WWP2: variants seen among roughly 807,000 people sequenced by gnomAD.
The protein encoded by WWP2 is NEDD4-like E3 ubiquitin-protein ligase WWP2.
A neutral mutation model predicts 121.0 loss-of-function variants in WWP2; 57 were observed. The ratio of observed to expected loss-of-function variants is 0.47; its 90% CI spans 0.38 to 0.59. The LOEUF is 0.59. Ranked by LOEUF, WWP2 falls within the 20% of genes least tolerant of loss-of-function variation. The pLI, the probability that WWP2 is intolerant of heterozygous loss-of-function variation, is 0.00. For synonymous variants in WWP2, 449 were observed against 441.3 expected (o/e 1.02, Z -0.22); for missense variants, 962 against 1,158.9 (o/e 0.83, Z 2.47).
intron 2 of WWP2, among the ~76,000 whole-genome samples, chr16:69,790,065 A>G (rs1449181701): frequency 1.3e-5 from 2 of 152,200 alleles, no homozygotes; most frequent in African/African-American, 4.8e-5. Flanking sequence ...CAATGTGGTA[A>G]AACCCTGCCT....
rs757843422 is a variant in WWP2 at position 69,939,113 on chromosome 16, C to T, written c.2430C>T (p.Ala810=). ...GTCRLPVGGF[A]ELIGSNGPQK... Reference sequence around the variant, plus strand: ...GCCGCCTGCCCGTCGGGGGATTTGCCGAACTCATCGGTATGTTTTCTCTCG... The same window carrying T: ...GCCGCCTGCCCGTCGGGGGATTTGCTGAACTCATCGGTATGTTTTCTCTCG... Residue 810 remains alanine, a synonymous_variant, in exon 22 of 24, where the codon GCC becomes GCT. Transcript: ENST00000359154. The T allele has an allele frequency of 3.6e-5, 58 of 1,599,638 alleles. No homozygotes were observed. The highest frequency in any genetic ancestry group is 4.6e-5 in the Non-Finnish European group (54 of 1,172,416).
intron 17 of WWP2, among the ~76,000 whole-genome samples, chr16:69,934,461 G>T (rs1455855400): frequency 1.3e-5 from 2 of 151,724 alleles, no homozygotes; most frequent in African/African-American, 4.8e-5. Context: ...ATGTTGCTTT[G>T]TACAGGACTT....
chr16:69,849,075 G>A (rs564749497), intron 6 of WWP2, among the ~76,000 whole-genome samples: 7 of 152,250 alleles, frequency 4.6e-5, no homozygotes, highest in East Asian at 1.9e-4. Flanking sequence ...AACCGTCTCC[G>A]GTGAGCTCTA....
rs530344763 is a variant in WWP2, at chr16:69,937,346, C to T, written c.2238+108C>T. On this transcript the variant is annotated intron_variant, in intron 20 of 23. Transcript: ENST00000359154. The surrounding 1 kb of genome is among the most constrained non-coding windows in gnomAD (Gnocchi z 6.6). ...GACACTCAGCGTAAAACTCCCACTT[C>T]GGCAGGGCAGATGGGTTTGATTTGG... is the stretch of plus-strand genomic sequence containing the variant. 1,272 of 1,530,654 alleles carry T rather than the reference C, an allele frequency of 8.3e-4. 2 individuals are homozygous for T. Among genetic ancestry groups the T allele is most frequent in the Non-Finnish European group, 1.1e-3 (1,222 of 1,136,792 alleles). The allele number at this position is 1,530,654 out of a possible 1,614,324, so 94.8% of individuals were successfully genotyped here.
intron 2 of WWP2, among the ~76,000 whole-genome samples, chr16:69,796,905 A>G (rs534675845): frequency 3.0e-4 from 46 of 152,318 alleles, no homozygotes; most frequent in South Asian, 6.2e-4. Flanking sequence ...CTGAAGGTGA[A>G]TTTGGCCTTT....
chr16:69,771,850 C>T (rs1019638151), intron 1 of WWP2, among the ~76,000 whole-genome samples: 3 of 151,326 alleles, frequency 2.0e-5, no homozygotes, highest in African/African-American at 7.3e-5. Flanking sequence ...TGTAGACTTT[C>T]ACTGTCTCGC....
At chr16:69,820,051 A>G (rs1567683973) in intron 4 of WWP2, among the ~76,000 whole-genome samples, 1 of 152,118 alleles carries the variant, frequency 6.6e-6, no homozygotes, top group East Asian at 1.9e-4. Flanking sequence ...AGCCTGGGCA[A>G]CATAGTGAGA....
intron 6 of WWP2, among the ~76,000 whole-genome samples, chr16:69,850,210 C>T (rs966167583): frequency 6.6e-6 from 1 of 152,026 alleles, no homozygotes. Flanking sequence ...CACGGTGAAA[C>T]CCCGTCCCTA....
chr16:69,840,836 C>T (rs1189131391), intron 5 of WWP2, among the ~76,000 whole-genome samples: 1 of 152,162 alleles, frequency 6.6e-6, no homozygotes, highest in Non-Finnish European at 1.5e-5. Context: ...TGGGTTTCTC[C>T]ATAATTTTTC....
intron 8 of WWP2, among the ~76,000 whole-genome samples, chr16:69,891,610 A>T (rs2058029222): frequency 6.6e-6 from 1 of 152,090 alleles, no homozygotes; most frequent in South Asian, 2.1e-4. Flanking sequence ...GGTTCTTGCT[A>T]CCAGACTGTT....
At chr16:69,785,477 C>G (rs1265917375) in intron 1 of WWP2, among the ~76,000 whole-genome samples, 1 of 152,026 alleles carries the variant, frequency 6.6e-6, no homozygotes, top group African/African-American at 2.4e-5. Flanking sequence ...GGAAAATCTG[C>G]AGAACTCAAT....
In WWP2 at chr16:69,846,049, CAA is replaced by C. The variant is rs57201672; in HGVS notation, c.575+3949_575+3950del. On this transcript the variant is annotated intron_variant, in intron 6 of 23. Transcript: ENST00000359154. ...TGGGTGACAGAGCCAGACTCCATCT[CAA>C]AAAAAAAAAAAAAAAAAAAGAATAC... Among the ~76,000 whole-genome samples, 185 of 45,590 alleles carry C rather than the reference CAA, an allele frequency of 4.1e-3. 1 individual carries two copies. Among genetic ancestry groups the C allele is most frequent in the Non-Finnish European group, 5.8e-3 (161 of 27,722 alleles). The allele number at this position is 45,590 out of a possible 152,430, so 29.9% of individuals were successfully genotyped here. A position where few individuals can be genotyped will look rare whatever the true frequency, so the allele number is the denominator to read the frequency against.
intron 4 of WWP2, among the ~76,000 whole-genome samples, chr16:69,808,622 G>A (rs1451700080): frequency 6.6e-6 from 1 of 152,204 alleles, no homozygotes; most frequent in Non-Finnish European, 1.5e-5. Context: ...GGCTGGTCTT[G>A]AACTCCTGAC....
intron 6 of WWP2, among the ~76,000 whole-genome samples, chr16:69,867,289 C>G (rs148720576): frequency 3.3e-4 from 51 of 152,282 alleles, no homozygotes; most frequent in African/African-American, 1.2e-3. Context: ...CAGCAGGTGG[C>G]TTCCCCAAAG....
intron 1 of WWP2, among the ~76,000 whole-genome samples, chr16:69,771,335 C>T (rs903912199): frequency 3.3e-5 from 5 of 152,180 alleles, no homozygotes; most frequent in Non-Finnish European, 7.3e-5. Flanking sequence ...GCAACCTCCG[C>T]CTCCCGGGTT....
At chr16:69,840,810 G>A (rs2056964091) in intron 5 of WWP2, among the ~76,000 whole-genome samples, 1 of 152,194 alleles carries the variant, frequency 6.6e-6, no homozygotes. Flanking sequence ...CATGAAGTCC[G>A]AGGTCTGAAA....
intron 6 of WWP2, among the ~76,000 whole-genome samples, chr16:69,853,294 T>C (rs1001341828): frequency 5.9e-5 from 9 of 152,182 alleles, no homozygotes; most frequent in Non-Finnish European, 1.2e-4. Context: ...CTGAGGTCTT[T>C]GGTTACAGGC....
chr16:69,823,836 T>A (rs2056635789), intron 4 of WWP2, among the ~76,000 whole-genome samples: 1 of 152,186 alleles, frequency 6.6e-6, no homozygotes, highest in South Asian at 2.1e-4. Context: ...TTACCATTAG[T>A]GTAGGGTTAT....
At chr16:69,803,977 T>A (rs1220303301) in intron 4 of WWP2, among the ~76,000 whole-genome samples, 9 of 152,174 alleles carry the variant, frequency 5.9e-5, no homozygotes, top group Non-Finnish European at 1.2e-4. Flanking sequence ...AGCTGTGATT[T>A]GTTGAAGGCT....
Sources: allele counts gnomAD v4.1 joint callset (sites outside exome capture counted in the v4.1 genomes callset), GRCh38; gene constraint gnomAD v4.1.1; non-coding constraint Gnocchi (gnomAD v3.1); transcripts MANE v1.5; gene names NCBI Gene and HGNC (gene_info 2026-07-23, HGNC 2026-07-21).